Variants in CDC6 observed in about 807,000 individuals in gnomAD.
CDC6 encodes the protein DNA replication factor CDC6.
CDC6 carries 46 observed loss-of-function variants against 60.2 expected under a neutral mutation model. The observed-to-expected ratio is 0.76, with a 90% CI of 0.60 to 0.98. CDC6 has a LOEUF of 0.98. CDC6 is among the 50% of genes least tolerant of loss of function. The pLI is 0.00. For synonymous variants in CDC6, 210 were observed against 233.2 expected (o/e 0.90, Z 0.90); for missense variants, 596 against 652.9 (o/e 0.91, Z 0.95).
At chr17:40,301,695 A>C in intron 11 of CDC6, 87 bp downstream of exon 11, 1 of 1,427,184 alleles carries the variant, frequency 7.0e-7, no homozygotes, top group Non-Finnish European at 9.9e-7. Flanking sequence ...AAACAAGATG[A>C]CCACAGTTAG....
Position 40,301,604 on chromosome 17 carries a change from C to G in CDC6, c.1589C>G (p.Thr530Arg), listed in dbSNP as rs2032941783. 9.9e-6 allele frequency: 16 copies of G among 1,614,062 alleles called. No homozygotes were observed. Among genetic ancestry groups the G allele is most frequent in the Non-Finnish European group, 1.4e-5 (16 of 1,179,920 alleles). ...GLKRNKETRL[T>R]KVFFKIEEKE... ...AAGAGAAACAAGGAAACCCGTTTGA[C>G]AAAGGTACAACTGCTTTTTTGTGAC... The change falls in exon 11 of 12, where the codon ACA (threonine) becomes AGA (arginine). Residue 530 changes from threonine to arginine, a missense_variant. Physicochemically the swap from Thr to Arg is moderately conservative, Grantham distance 71 (BLOSUM62 -1). Transcript: ENST00000209728.
At chr17:40,301,121 C>G in intron 10 of CDC6, 91 bp downstream of exon 10, 3 of 891,220 alleles carry the variant, frequency 3.4e-6, no homozygotes, top group Non-Finnish European at 5.7e-6. Context: ...GATACTTCAG[C>G]TGATAATAAA....
chr17:40,300,667 C>T (rs2032926145), intron 9 of CDC6, among the ~76,000 whole-genome samples, 161 bp from the exon 10 acceptor site: 1 of 152,204 alleles, frequency 6.6e-6, no homozygotes, highest in Admixed American at 6.5e-5. Context: ...CATTATCTCT[C>T]ATCCTTTGGC....
Position 40,291,188 on chromosome 17 carries a change from A to T in CDC6, c.309A>T (p.Thr103=). ...GRRLVFDNQL[T]IKSPSKRELA... ...GATTGGTATTTGACAATCAGCTGACAATTAAGTCTCCTAGCAAAAGAGAAC... is the reference window on the plus strand; with the variant it reads ...GATTGGTATTTGACAATCAGCTGACTATTAAGTCTCCTAGCAAAAGAGAAC... The change falls in exon 3 of 12, where the codon ACA becomes ACT. Residue 103 remains threonine (T), a synonymous_variant. Coordinates refer to ENST00000209728, the MANE Select transcript of CDC6 (RefSeq NM_001254.4). The T allele has an allele frequency of 6.2e-7, 1 of 1,614,246 alleles. No homozygotes were observed. Among genetic ancestry groups the T allele is most frequent in the Non-Finnish European group, 8.5e-7 (1 of 1,180,046 alleles).
Position 40,291,530 on chromosome 17 carries a change from C to G in CDC6, c.522C>G (p.Ala174=). 6.2e-7 allele frequency: 1 copy of G among 1,614,188 alleles called. No homozygotes were observed. ...CAGCTGTCCCAGATCGGCTGCCTGC[C>G]AGGGAAAGGGAGATGGATGTCATCA... The part of the protein sequence containing the change: ...LNTAVPDRLP[A]REREMDVIRN... The change falls in exon 4 of 12, where the codon GCC becomes GCG. Residue 174 remains alanine (A), a synonymous_variant. Transcript: ENST00000209728.
At position 40,291,284 on chromosome 17, in the gene CDC6, G is replaced by C; in HGVS notation, c.405G>C (p.Glu135Asp). ...RKSQEITTNS[E>D]QRCPLKKESA... Reference sequence around the variant, plus strand: ...GTCAAGAGATCACAACAAATTCTGAGCAGAGATGTCCACTGAAGAAAGAAT... The same window carrying C: ...GTCAAGAGATCACAACAAATTCTGACCAGAGATGTCCACTGAAGAAAGAAT... The change falls in exon 3 of 12, where the codon GAG becomes GAC. Residue 135 changes from glutamate to aspartate, a missense_variant. Physicochemically the swap from Glu to Asp is conservative, Grantham distance 45 (BLOSUM62 2). Transcript: ENST00000209728. 6.2e-7 allele frequency: 1 copy of C among 1,614,204 alleles called. No individual in the cohort carries two copies. Among genetic ancestry groups the C allele is most frequent in the Non-Finnish European group, 8.5e-7 (1 of 1,180,020 alleles).
chr17:40,300,558 A>G (rs1433109506), intron 9 of CDC6, among the ~76,000 whole-genome samples: 1 of 152,188 alleles, frequency 6.6e-6, no homozygotes, highest in African/African-American at 2.4e-5. Context: ...ACATTAAATT[A>G]CATTCCATAG....
intron 9 of CDC6, among the ~76,000 whole-genome samples, chr17:40,299,138 C>CTTTTTTTTTTTTTTTTTTTTTTTTTT (rs67162965): frequency 4.9e-5 from 3 of 60,780 alleles, no homozygotes; most frequent in African/African-American, 7.7e-5. Flanking sequence ...AGGCCATAGT[C>CTTTTTTTTTTTTTTTTTTTTTTTTTT]TTTTTTTTTT....
intron 2 of CDC6, 108 bp downstream of exon 2, chr17:40,289,706 T>A: frequency 2.7e-5 from 11 of 415,038 alleles, no homozygotes; most frequent in Non-Finnish European, 2.8e-5. Context: ...AAGACTTCTT[T>A]TTTTTTTTTT....
intron 1 of CDC6, among the ~76,000 whole-genome samples, chr17:40,288,416 T>G (rs2032694599): frequency 6.6e-6 from 1 of 151,720 alleles, no homozygotes; most frequent in South Asian, 2.1e-4. Flanking sequence ...AATCAATTCA[T>G]GTAACTTTTT....
In CDC6 at chr17:40,304,450, C is replaced by T. The variant is rs2032974635; in HGVS notation, c.*2449C>T. On this transcript the variant is annotated 3_prime_UTR_variant, in exon 12 of 12. Coordinates refer to ENST00000209728, the MANE Select transcript of CDC6 (RefSeq NM_001254.4). ...TGGGATGGGATGGGCTTGTGGTTAG[C>T]AGTTTTTGCCAGGATCATAGGCTGC... 6.6e-6 allele frequency: 1 copy of T among 152,160 alleles called. No individual in the cohort carries two copies. Among genetic ancestry groups the T allele is most frequent in the South Asian group, 2.1e-4 (1 of 4,828 alleles). The allele number at this position is 152,160 out of a possible 1,614,324, so 9.4% of individuals were successfully genotyped here.
In CDC6 at chr17:40,303,130, C is replaced by G. The variant is rs1295201488; in HGVS notation, c.*1129C>G. On this transcript the variant is annotated 3_prime_UTR_variant, in exon 12 of 12. Coordinates refer to ENST00000209728, the MANE Select transcript of CDC6 (RefSeq NM_001254.4). ...GTCCATATGGTTGGTTAATCAAGAGCCTTCTGGGTTTGGTTTGGTGGCATT... is the reference window on the plus strand; with the variant it reads ...GTCCATATGGTTGGTTAATCAAGAGGCTTCTGGGTTTGGTTTGGTGGCATT... 2 of 152,114 alleles carry G rather than the reference C, an allele frequency of 1.3e-5. No homozygotes were observed. Among genetic ancestry groups the G allele is most frequent in the Non-Finnish European group, 2.9e-5 (2 of 68,018 alleles). The allele number at this position is 152,114 out of a possible 1,614,324, so 9.4% of individuals were successfully genotyped here.
At chr17:40,296,172 C>T (rs1230758698) in intron 8 of CDC6, among the ~76,000 whole-genome samples, 1 of 152,110 alleles carries the variant, frequency 6.6e-6, no homozygotes, top group Admixed American at 6.5e-5. Flanking sequence ...CAGCAAACTA[C>T]TTGGGTAAAG....
intron 2 of CDC6, among the ~76,000 whole-genome samples, chr17:40,290,295 C>T (rs188438344): frequency 1.3e-5 from 2 of 152,138 alleles, no homozygotes; most frequent in Non-Finnish European, 2.9e-5. Context: ...GTAATTCTTT[C>T]TTGTTTTGGA....
In CDC6 at chr17:40,300,170, G is replaced by A. The variant is rs141465487; in HGVS notation, c.1250-658G>A. ...GTAGAGATGGAGTTTCGCCGTGTTG[G>A]GCAGGCTGGTCTCCAACTCCTGACC... On this transcript the variant is annotated intron_variant, in intron 9 of 11. Coordinates refer to ENST00000209728, the MANE Select transcript of CDC6 (RefSeq NM_001254.4). Among the ~76,000 whole-genome samples the A allele has an allele frequency of 3.2e-3, 492 of 152,178 alleles. 4 individuals carry two copies. Among genetic ancestry groups the A allele is most frequent in the African/African-American group, 0.011 (470 of 41,520 alleles).
chr17:40,288,071 G>T lies in CDC6; in HGVS notation c.-33G>T. ...GGCAGCGGAGCTGGGTGAAGGCTGC[G>T]GGTTCCGGCGAGGCCTGAGGTGAAG... On this transcript the variant is annotated 5_prime_UTR_variant, in exon 1 of 12. Coordinates refer to ENST00000209728, the MANE Select transcript of CDC6 (RefSeq NM_001254.4). 6.5e-6 allele frequency: 1 copy of T among 154,202 alleles called. No homozygotes were observed. The highest frequency in any genetic ancestry group is 1.4e-5 in the Non-Finnish European group (1 of 69,180). The allele number at this position is 154,202 out of a possible 1,614,324, so 9.6% of individuals were successfully genotyped here. A position where few individuals can be genotyped will look rare whatever the true frequency, so the allele number is the denominator to read the frequency against.
At chr17:40,289,630 G>A in intron 2 of CDC6, 32 bp downstream of exon 2, 1 of 1,571,580 alleles carries the variant, frequency 6.4e-7, no homozygotes. Context: ...TTTTTCACTA[G>A]CAGCTCGTGA....
chr17:40,301,581 G>A lies in CDC6; in HGVS notation c.1566G>A (p.Lys522=). ...LLEARGILGL[K]RNKETRLTKV... ...AAGCCAGGGGCATTTTAGGATTAAA[G>A]AGAAACAAGGAAACCCGTTTGACAA... Residue 522 remains lysine, a synonymous_variant, in exon 11 of 12, where the codon AAG becomes AAA. Transcript: ENST00000209728. The A allele has an allele frequency of 6.2e-7, 1 of 1,614,174 alleles. No individual in the cohort carries two copies. The highest frequency in any genetic ancestry group is 8.5e-7 in the Non-Finnish European group (1 of 1,179,998).
At chr17:40,293,408 T>C (rs1051544667) in intron 4 of CDC6, 48 bp from the exon 5 acceptor site, 2 of 1,502,926 alleles carry the variant, frequency 1.3e-6, no homozygotes, top group Non-Finnish European at 1.9e-6. Context: ...ATCAGATCTT[T>C]ATTTTCTGAG....
Sources: gnomAD v4.1 joint callset for allele counts (sites outside exome capture counted in the v4.1 genomes callset) on GRCh38, gnomAD v4.1.1 for gene constraint, MANE v1.5 for transcripts, NCBI Gene and HGNC (gene_info 2026-07-23, HGNC 2026-07-21) for gene names.